Variants in FUT8 observed in about 807,000 individuals in gnomAD.
The protein encoded by FUT8 is fucosyltransferase 8.
A neutral mutation model predicts 71.3 loss-of-function variants in FUT8; 29 were observed. The ratio of observed to expected loss-of-function variants is 0.41; its 90% CI spans 0.30 to 0.55. FUT8 has a LOEUF of 0.55. FUT8 is among the 20% of genes least tolerant of loss of function. The pLI is 0.34. For synonymous variants in FUT8, 254 were observed against 239.3 expected (o/e 1.06, Z -0.57); for missense variants, 544 against 702.1 (o/e 0.77, Z 2.55).
intron 1 of FUT8, among the ~76,000 whole-genome samples, chr14:65,427,258 G>A (rs1316083593): frequency 6.6e-6 from 1 of 152,160 alleles, no homozygotes; most frequent in East Asian, 1.9e-4. Flanking sequence ...GAACATTGGA[G>A]TGCAGATACC....
chr14:65,429,708 A>T (rs1023256603), intron 1 of FUT8, among the ~76,000 whole-genome samples: 1 of 151,876 alleles, frequency 6.6e-6, no homozygotes, highest in Non-Finnish European at 1.5e-5. Context: ...ACAAATAATT[A>T]AAAAATCAGC....
At chr14:65,693,035 G>T (rs1252751739) in intron 7 of FUT8, among the ~76,000 whole-genome samples, 9 of 151,890 alleles carry the variant, frequency 5.9e-5, no homozygotes, top group Non-Finnish European at 8.8e-5. Context: ...GGGCAGCCAG[G>T]CAGAGGGGCT....
At chr14:65,464,070 A>C (rs1286613732) in intron 2 of FUT8, among the ~76,000 whole-genome samples, 2 of 152,216 alleles carry the variant, frequency 1.3e-5, no homozygotes, top group African/African-American at 4.8e-5. Context: ...CCTATACTGG[A>C]TTAATGTATT....
At chr14:65,671,242 T>G (rs778134746) in intron 7 of FUT8, among the ~76,000 whole-genome samples, 6 of 152,170 alleles carry the variant, frequency 3.9e-5, no homozygotes, top group Non-Finnish European at 8.8e-5. Flanking sequence ...TTTATCAGGT[T>G]TAATATATAG....
chr14:65,627,785 A>G lies in FUT8; in HGVS notation c.483-1707A>G, dbSNP rs1889974535. 6.6e-6 allele frequency among the ~76,000 whole-genome samples: 1 copy of G among 152,202 alleles called. No homozygotes were observed. The highest frequency in any genetic ancestry group is 6.5e-5 in the Admixed American group (1 of 15,278). ...AAAACTTATCAGGAAGCTGCTGATGACCAGCTTCAGTTGTTTTCTATCTAT... is the reference window on the plus strand; with the variant it reads ...AAAACTTATCAGGAAGCTGCTGATGGCCAGCTTCAGTTGTTTTCTATCTAT... On this transcript the variant is annotated intron_variant, in intron 5 of 10. Transcript: ENST00000673929. This position sits in a 1 kb window ranked among gnomAD's most constrained non-coding sequence, Gnocchi z 4.0.
intron 1 of FUT8, among the ~76,000 whole-genome samples, chr14:65,414,938 A>G (rs1040123030): frequency 3.9e-5 from 6 of 152,228 alleles, no homozygotes; most frequent in African/African-American, 1.4e-4. Flanking sequence ...TTTGAATTTA[A>G]AAAGTCACCT....
chr14:65,586,455 T>A (rs1178966146), intron 3 of FUT8, among the ~76,000 whole-genome samples: 3 of 152,176 alleles, frequency 2.0e-5, no homozygotes, highest in Non-Finnish European at 2.9e-5. Flanking sequence ...ATTGAGCCAT[T>A]TAAAAGATAA....
chr14:65,374,264 GC>G, the FUT8 span, among the ~76,000 whole-genome samples: 1 of 152,174 alleles, frequency 6.6e-6, no homozygotes, highest in Non-Finnish European at 1.5e-5. Flanking sequence ...TGTACAGTCT[GC>G]CATGTTTCAC....
chr14:65,470,459 T>A (rs955397893), intron 2 of FUT8, among the ~76,000 whole-genome samples: 5 of 152,156 alleles, frequency 3.3e-5, no homozygotes, highest in Non-Finnish European at 7.4e-5. Context: ...CCACTGGCAC[T>A]GTGGAGCATG....
chr14:65,465,594 G>C (rs2066031127), intron 2 of FUT8, among the ~76,000 whole-genome samples: 1 of 152,174 alleles, frequency 6.6e-6, no homozygotes, highest in African/African-American at 2.4e-5. Context: ...CAAATATTTT[G>C]AGATTTTCCA....
chr14:65,653,471 A>T (rs924440510), intron 6 of FUT8, among the ~76,000 whole-genome samples: 1 of 152,192 alleles, frequency 6.6e-6, no homozygotes, highest in East Asian at 1.9e-4. Context: ...TGAAGAAGTG[A>T]CAGAAAACTT....
intron 6 of FUT8, among the ~76,000 whole-genome samples, chr14:65,650,315 A>AC (rs1317690713): frequency 9.4e-5 from 14 of 149,386 alleles, no homozygotes; most frequent in Admixed American, 6.7e-4. Flanking sequence ...AAAAAAAAAA[A>AC]AAAAAAAAAA....
chr14:65,457,673 G>A (rs1418407993), intron 2 of FUT8, among the ~76,000 whole-genome samples: 4 of 152,162 alleles, frequency 2.6e-5, no homozygotes, highest in African/African-American at 9.7e-5. Context: ...CAAGCAGGGG[G>A]TACGTGACAG....
chr14:65,568,629 T>C (rs1162669957), intron 3 of FUT8, among the ~76,000 whole-genome samples: 1 of 151,754 alleles, frequency 6.6e-6, no homozygotes, highest in Non-Finnish European at 1.5e-5. Context: ...TTCAACCAGA[T>C]AGAATTATAT....
chr14:65,694,501 G>T (rs979253582), intron 7 of FUT8, among the ~76,000 whole-genome samples: 1 of 152,030 alleles, frequency 6.6e-6, no homozygotes, highest in Non-Finnish European at 1.5e-5. Flanking sequence ...TATGATATCT[G>T]TTCTTTTAAA....
At chr14:65,377,402 TA>T in the FUT8 span, among the ~76,000 whole-genome samples, 3 of 151,920 alleles carry the variant, frequency 2.0e-5, no homozygotes, top group South Asian at 4.2e-4. Flanking sequence ...GTGGTAAAAA[TA>T]AAAAAAATTT....
intron 1 of FUT8, among the ~76,000 whole-genome samples, chr14:65,439,952 G>GTATATATA (rs1425130774): frequency 1.9e-3 from 72 of 38,178 alleles, no homozygotes; most frequent in East Asian, 0.012. Flanking sequence ...GTGTGTGTGT[G>GTATATATA]TGTATATATA....
chr14:65,505,819 C>T (rs766735599), intron 2 of FUT8, among the ~76,000 whole-genome samples: 2 of 151,912 alleles, frequency 1.3e-5, no homozygotes, highest in Middle Eastern at 3.4e-3. Context: ...CTACTTTTGC[C>T]CATTCTTTTT....
rs111379535 is a variant in FUT8, at chr14:65,414,684, G to A, written c.-326+1470G>A. ...GGAGTTAGAGATGAATAGGCTATAA[G>A]ACACGTACAAAGGTAGTTCCAAGAC... is the stretch of plus-strand genomic sequence containing the variant. On this transcript the variant is annotated intron_variant, in intron 1 of 10. Transcript: ENST00000673929. 7.2e-3 allele frequency among the ~76,000 whole-genome samples: 1,104 copies of A among 152,318 alleles called. 13 individuals are homozygous for A. Among genetic ancestry groups the A allele is most frequent in the African/African-American group, 0.024 (1,002 of 41,562 alleles).
Sources: gnomAD v4.1 joint callset for allele counts (sites outside exome capture counted in the v4.1 genomes callset) on GRCh38, gnomAD v4.1.1 for gene constraint, Gnocchi (gnomAD v3.1) non-coding constraint, MANE v1.5 for transcripts, NCBI Gene and HGNC (gene_info 2026-07-23, HGNC 2026-07-21) for gene names.